The following TNIK variants were observed in gnomAD, a reference collection of about 807,000 sequenced individuals.
TNIK encodes TRAF2 and NCK-interacting protein kinase.
A neutral mutation model predicts 191.3 loss-of-function variants in TNIK; 49 were observed. The ratio of observed to expected loss-of-function variants is 0.26; its 90% CI spans 0.20 to 0.32. The LOEUF is 0.32. Ranked by LOEUF, TNIK falls within the 10% of genes least tolerant of loss-of-function variation. The pLI, the probability that TNIK is intolerant of heterozygous loss-of-function variation, is 1.00. For missense variants in TNIK, 1,155 were observed against 1,702.3 expected (o/e 0.68, Z 5.66); for synonymous variants, 594 against 600.9 (o/e 0.99, Z 0.17).
At chr3:171,335,726 G>A (rs940168521) in intron 2 of TNIK, among the ~76,000 whole-genome samples, 13 of 152,126 alleles carry the variant, frequency 8.5e-5, no homozygotes, top group Non-Finnish European at 1.5e-5. Flanking sequence ...AAGCTCCTAT[G>A]ACCATTCAAT....
intron 1 of TNIK, among the ~76,000 whole-genome samples, chr3:171,454,091 G>C (rs542138063): frequency 6.6e-6 from 1 of 152,222 alleles, no homozygotes; most frequent in Non-Finnish European, 1.5e-5. Flanking sequence ...CCTGTTCTCA[G>C]AGAGCTACTT....
chr3:171,082,546 CATA>C (rs1308436137), intron 26 of TNIK, 152 bp from the exon 27 acceptor site: 8 of 850,680 alleles, frequency 9.4e-6, no homozygotes, highest in East Asian at 8.2e-5. Flanking sequence ...GAAGCTCTGA[CATA>C]ATAATTAAAT....
At chr3:171,364,354 C>T (rs1474763999) in intron 2 of TNIK, among the ~76,000 whole-genome samples, 1 of 151,196 alleles carries the variant, frequency 6.6e-6, no homozygotes, top group East Asian at 1.9e-4. Context: ...TCCACATCCC[C>T]ATCCCATTAT....
chr3:171,190,891 A>T (rs575293990), intron 5 of TNIK, 104 bp from the exon 6 acceptor site: 1 of 731,178 alleles, frequency 1.4e-6, no homozygotes, highest in African/African-American at 1.8e-5. Context: ...TCACCCAGAC[A>T]TACTTTTCAG....
chr3:171,277,910 G>A (rs1749954909), intron 2 of TNIK, among the ~76,000 whole-genome samples: 3 of 152,170 alleles, frequency 2.0e-5, no homozygotes, highest in Admixed American at 1.3e-4. Context: ...TGCACCTGTG[G>A]CTACTCAACT....
intron 2 of TNIK, among the ~76,000 whole-genome samples, chr3:171,313,542 C>T (rs1269000459): frequency 6.6e-6 from 1 of 152,052 alleles, no homozygotes; most frequent in Non-Finnish European, 1.5e-5. Context: ...AGTAGTCTTG[C>T]AGGTAAAAAT....
intron 15 of TNIK, among the ~76,000 whole-genome samples, chr3:171,135,127 G>A (rs925351027): frequency 3.3e-5 from 5 of 152,186 alleles, no homozygotes; most frequent in African/African-American, 1.2e-4. Context: ...TTTACTTCCA[G>A]AGGGTTTAAC....
At chr3:171,455,236 A>G (rs973118802) in intron 1 of TNIK, among the ~76,000 whole-genome samples, 26 of 151,762 alleles carry the variant, frequency 1.7e-4, no homozygotes, top group Admixed American at 6.6e-5. Flanking sequence ...TCTGAAGATT[A>G]TTTTCCTTCT....
At chr3:171,130,441 G>A (rs757852578) in intron 15 of TNIK, among the ~76,000 whole-genome samples, 6 of 152,154 alleles carry the variant, frequency 3.9e-5, no homozygotes, top group Non-Finnish European at 5.9e-5. Context: ...AATGAGATTT[G>A]CTGCAAAAAG....
intron 15 of TNIK, 61 bp from the exon 16 acceptor site, chr3:171,128,939 T>G: frequency 6.9e-7 from 1 of 1,458,516 alleles, no homozygotes; most frequent in Non-Finnish European, 9.0e-7. Flanking sequence ...TAGATCACCT[T>G]CTAGCAAGGA....
chr3:171,340,077 C>T (rs368244443), intron 2 of TNIK, among the ~76,000 whole-genome samples: 24 of 151,960 alleles, frequency 1.6e-4, no homozygotes, highest in African/African-American at 5.6e-4. Context: ...CAATCTACTT[C>T]GATTCTACCA....
chr3:171,156,653 A>G (rs1172777921), intron 12 of TNIK, among the ~76,000 whole-genome samples: 1 of 152,210 alleles, frequency 6.6e-6, no homozygotes, highest in Non-Finnish European at 1.5e-5. Flanking sequence ...AAATGTCTGT[A>G]AGACCACAAG....
Position 171,264,099 on chromosome 3 carries a change from CACACACACACACATAT to C in TNIK, c.124-35894_124-35879del, listed in dbSNP as rs1390977032. On this transcript the variant is annotated intron_variant, in intron 2 of 32. Transcript: ENST00000436636. Reference sequence around the variant, plus strand: ...ACACACACACACACACACACACACACACACACACACACATATATATATATATATATATACACCCCTT... The same window carrying C: ...ACACACACACACACACACACACACACATATATATATATATATACACCCCTT... 7.0e-3 allele frequency among the ~76,000 whole-genome samples: 587 copies of C among 84,232 alleles called. 4 individuals carry two copies. Among genetic ancestry groups the C allele is most frequent in the African/African-American group, 0.027 (565 of 21,024 alleles). The allele number at this position is 84,232 out of a possible 152,430, so 55.3% of individuals were successfully genotyped here.
intron 1 of TNIK, among the ~76,000 whole-genome samples, chr3:171,425,958 G>T (rs1299906125): frequency 6.6e-6 from 1 of 152,170 alleles, no homozygotes; most frequent in Non-Finnish European, 1.5e-5. Context: ...CTGTTGGTGG[G>T]ACTGTAAACT....
At chr3:171,151,837 C>T (rs1732475868) in intron 12 of TNIK, among the ~76,000 whole-genome samples, 1 of 152,208 alleles carries the variant, frequency 6.6e-6, no homozygotes, top group Admixed American at 6.5e-5. Flanking sequence ...CACCTCACCA[C>T]TCTTTTGTGG....
intron 1 of TNIK, among the ~76,000 whole-genome samples, chr3:171,448,859 C>T (rs1228375337): frequency 6.6e-6 from 1 of 152,026 alleles, no homozygotes; most frequent in East Asian, 1.9e-4. Flanking sequence ...CCCATCAACC[C>T]ATCATATACA....
chr3:171,459,635 G>A (rs1035545227), intron 1 of TNIK, among the ~76,000 whole-genome samples: 1 of 150,394 alleles, frequency 6.6e-6, no homozygotes, highest in Non-Finnish European at 1.5e-5. Flanking sequence ...AGGGACAGTC[G>A]GGTCTCGCGC....
chr3:171,119,786 G>A (rs749634096), intron 18 of TNIK, among the ~76,000 whole-genome samples: 4 of 151,880 alleles, frequency 2.6e-5, no homozygotes, highest in Admixed American at 1.3e-4. Flanking sequence ...ATCACATACC[G>A]GGGCCTGTTG....
intron 2 of TNIK, among the ~76,000 whole-genome samples, chr3:171,333,765 G>C (rs761713882): frequency 6.6e-6 from 1 of 152,146 alleles, no homozygotes; most frequent in African/African-American, 2.4e-5. Flanking sequence ...GTCTTTCAAA[G>C]ATTTTAGCAA....
Sources: allele counts gnomAD v4.1 joint callset (sites outside exome capture counted in the v4.1 genomes callset), GRCh38; gene constraint gnomAD v4.1.1; transcripts MANE v1.5; gene names NCBI Gene and HGNC (gene_info 2026-07-23, HGNC 2026-07-21).